Variants in FAM174B observed in about 807,000 individuals in gnomAD.
FAM174B encodes the protein membrane protein FAM174B.
In FAM174B, 12 loss-of-function variants were observed where a neutral mutation model predicts 10.9. That is an observed-to-expected ratio of 1.10 (90% CI 0.71 to 1.79). The LOEUF (loss-of-function observed/expected upper bound fraction) is 1.79, where lower values mean the gene tolerates loss of function less well. Ranked by LOEUF, FAM174B falls within the 40% of genes most tolerant of loss-of-function variation. The probability of loss-of-function intolerance (pLI) is 0.00; values close to 1 mark genes in which losing one functional copy is unlikely to be tolerated. For synonymous variants in FAM174B, 132 were observed against 115.8 expected (o/e 1.14, Z -0.90); for missense variants, 266 against 233.3 (o/e 1.14, Z -0.91).
Position 92,655,428 on chromosome 15 carries a change from C to G in FAM174B, c.232G>C (p.Val78Leu), listed in dbSNP as rs781636918. Residue 78 changes from valine to leucine, a missense_variant, in exon 1 of 3, where the codon GTG becomes CTG. By Grantham distance (32) the Val-to-Leu change is conservative. Coordinates refer to ENST00000327355, the MANE Select transcript of FAM174B (RefSeq NM_207446.3). The stretch of plus-strand genomic sequence containing the variant: ...CGGAGGAGGATGGAAATGCGGGTCA[C>G]CAAGGCGTCGCCACTGCTGTTGGAG... Reference protein sequence around the residue: ...SSSNSSGDALVTRISILLRDL... With the variant: ...SSSNSSGDALLTRISILLRDL... The G allele has an allele frequency of 1.9e-6, 3 of 1,581,502 alleles. No individual in the cohort carries two copies. The highest frequency in any genetic ancestry group is 3.5e-5 in the Admixed American group (2 of 56,442).
chr15:92,628,400 A>C (rs549055060), intron 2 of FAM174B, among the ~76,000 whole-genome samples: 1 of 143,422 alleles, frequency 7.0e-6, no homozygotes, highest in African/African-American at 2.6e-5. Flanking sequence ...GGCTGGTCTC[A>C]AACCCTGGAG....
In FAM174B at chr15:92,619,437, C is replaced by G; in HGVS notation, c.*19G>C. On this transcript the variant is annotated 3_prime_UTR_variant, in exon 3 of 3. Transcript: ENST00000327355. ...CTGACCAACTTTCCACAGGATGCCA[C>G]CAGGCTGGGAAACAGGTTTTACCTA... 2 of 1,613,884 alleles carry G rather than the reference C, an allele frequency of 1.2e-6. No homozygotes were observed. Among genetic ancestry groups the G allele is most frequent in the South Asian group, 2.2e-5 (2 of 91,056 alleles).
chr15:92,648,397 G>C (rs2050942598), intron 1 of FAM174B, among the ~76,000 whole-genome samples: 1 of 152,140 alleles, frequency 6.6e-6, no homozygotes, highest in Admixed American at 6.5e-5. Context: ...TTCACAGTGG[G>C]TGCTAATTAA....
intron 2 of FAM174B, among the ~76,000 whole-genome samples, chr15:92,629,941 T>G (rs967159310): frequency 6.6e-6 from 1 of 152,194 alleles, no homozygotes; most frequent in Admixed American, 6.5e-5. Context: ...TGCTCCTCCT[T>G]GCCTTCCACC....
intron 2 of FAM174B, among the ~76,000 whole-genome samples, chr15:92,624,397 C>T (rs2050739840): frequency 6.7e-6 from 1 of 148,546 alleles, no homozygotes; most frequent in Non-Finnish European, 1.5e-5. Flanking sequence ...GCCTGGGGTG[C>T]CTGGCCATTC....
chr15:92,621,763 T>C (rs12440923), intron 2 of FAM174B, among the ~76,000 whole-genome samples: 27,049 of 151,918 alleles, frequency 0.18, 2,590 homozygotes, highest in East Asian at 0.29. Flanking sequence ...CTTCTGTGGG[T>C]TGGGGAGTCG....
intron 1 of FAM174B, among the ~76,000 whole-genome samples, chr15:92,635,847 C>A (rs988528343): frequency 2.0e-5 from 3 of 152,132 alleles, no homozygotes; most frequent in African/African-American, 7.2e-5. Context: ...TCCCAAAGTG[C>A]TGGGATTACA....
intron 1 of FAM174B, among the ~76,000 whole-genome samples, chr15:92,652,597 T>C (rs2050973826): frequency 6.6e-6 from 1 of 151,936 alleles, no homozygotes; most frequent in Admixed American, 6.6e-5. Flanking sequence ...ATTCCTGCAG[T>C]TGAGGGAGGA....
chr15:92,617,763 G>C lies in FAM174B; in HGVS notation c.*1693C>G. On this transcript the variant is annotated 3_prime_UTR_variant, in exon 3 of 3. Transcript: ENST00000327355. Reference sequence around the variant, plus strand: ...TGGAGAGGAGAGATAAAGCAGCCACGGCTGTTCTGTTGCCAGTCCCACCCC... The same window carrying C: ...TGGAGAGGAGAGATAAAGCAGCCACCGCTGTTCTGTTGCCAGTCCCACCCC... 8.8e-6 allele frequency: 5 copies of C among 569,092 alleles called. No individual in the cohort carries two copies. Among genetic ancestry groups the C allele is most frequent in the Non-Finnish European group, 1.6e-5 (5 of 321,980 alleles). 35.3% of individuals were successfully genotyped at this position (569,092 alleles called of 1,614,324 possible).
At chr15:92,654,260 A>C (rs1161147959) in intron 1 of FAM174B, among the ~76,000 whole-genome samples, 2 of 152,198 alleles carry the variant, frequency 1.3e-5, no homozygotes, top group Non-Finnish European at 2.9e-5. Flanking sequence ...TGCTACCAGG[A>C]GAGCAAGCCC....
chr15:92,625,814 A>G (rs114882846), intron 2 of FAM174B, among the ~76,000 whole-genome samples: 26 of 152,308 alleles, frequency 1.7e-4, no homozygotes, highest in African/African-American at 6.3e-4. Flanking sequence ...AGCCAGCACT[A>G]CTTAGTCTTT....
At chr15:92,628,052 A>C (rs78566238) in intron 2 of FAM174B, among the ~76,000 whole-genome samples, 5,982 of 152,260 alleles carry the variant, frequency 0.039, 175 homozygotes, top group Non-Finnish European at 0.059. Context: ...CACATTCTCT[A>C]GTATACTTTA....
chr15:92,642,460 T>C (rs1049178517), intron 1 of FAM174B, among the ~76,000 whole-genome samples: 5 of 152,204 alleles, frequency 3.3e-5, no homozygotes, highest in African/African-American at 9.7e-5. Flanking sequence ...TCATCTTGAA[T>C]TGTAGTTCCC....
chr15:92,650,768 C>T (rs1236012639), intron 1 of FAM174B, among the ~76,000 whole-genome samples: 1 of 152,198 alleles, frequency 6.6e-6, no homozygotes, highest in African/African-American at 2.4e-5. Context: ...TAGGAGCAAT[C>T]ACAGCTTTCT....
At chr15:92,627,194 T>C (rs937580711) in intron 2 of FAM174B, 2 of 152,698 alleles carry the variant, frequency 1.3e-5, no homozygotes, top group Non-Finnish European at 2.9e-5. Context: ...GGTGTCTCAC[T>C]AACTTTTGCC....
At chr15:92,643,344 A>ATGTATGTGTGTGTGTG (rs1555421984) in intron 1 of FAM174B, among the ~76,000 whole-genome samples, 1 of 138,090 alleles carries the variant, frequency 7.2e-6, no homozygotes, top group African/African-American at 2.6e-5. Context: ...TAGGGAAGGA[A>ATGTATGTGTGTGTGTG]TGTGTGTGTG....
chr15:92,650,055 T>G (rs1198780345), intron 1 of FAM174B, among the ~76,000 whole-genome samples: 1 of 152,216 alleles, frequency 6.6e-6, no homozygotes, highest in Admixed American at 6.5e-5. Context: ...TCCAATTTAC[T>G]AAAATAATAT....
At chr15:92,619,821 C>T (rs975496248) in intron 2 of FAM174B, 28 of 306,250 alleles carry the variant, frequency 9.1e-5, no homozygotes, top group African/African-American at 5.7e-4. Context: ...CTGCAGATCC[C>T]ACAATCACGG....
At chr15:92,622,234 G>A (rs1389209756) in intron 2 of FAM174B, among the ~76,000 whole-genome samples, 4 of 152,200 alleles carry the variant, frequency 2.6e-5, no homozygotes, top group African/African-American at 4.8e-5. Context: ...GTCTACATCC[G>A]TGTGCTTAAG....
Sources: allele counts gnomAD v4.1 joint callset (sites outside exome capture counted in the v4.1 genomes callset), GRCh38; gene constraint gnomAD v4.1.1; transcripts MANE v1.5; gene names NCBI Gene and HGNC (gene_info 2026-07-23, HGNC 2026-07-21).